DNER: variants seen among roughly 807,000 people sequenced by gnomAD.
The protein encoded by DNER is delta and Notch-like epidermal growth factor-related receptor.
In DNER, 33 loss-of-function variants were observed where a neutral mutation model predicts 78.2. The observed-to-expected ratio is 0.42, with a 90% CI of 0.32 to 0.56. The LOEUF is 0.56. Among genes scored for constraint, DNER ranks in the 20% least tolerant of loss-of-function variants. The pLI is 0.11. For synonymous variants in DNER, 417 were observed against 384.8 expected, an observed-to-expected ratio of 1.08 and a Z score of -0.98; for missense variants, 918 against 975.3, an observed-to-expected ratio of 0.94 and a Z score of 0.78.
At position 229,638,490 on chromosome 2, in the gene DNER, A is replaced by G. The variant is rs557223085; in HGVS notation, c.277-46602T>C. 1.1e-4 allele frequency among the ~76,000 whole-genome samples: 16 copies of G among 152,340 alleles called. No homozygotes were observed. In the South Asian group the frequency reaches 3.3e-3, roughly 32 times the overall value. ...TCTTTTCAACAAATGGTGCGGGACA[A>G]CTGAATACCCGTATGAAAAACATTC... On this transcript the variant is annotated intron_variant, in intron 1 of 12. Transcript: ENST00000341772.
chr2:229,601,122 A>T (rs1559179179), intron 1 of DNER, among the ~76,000 whole-genome samples: 1 of 152,192 alleles, frequency 6.6e-6, no homozygotes, highest in African/African-American at 2.4e-5. Context: ...GAACATTCTA[A>T]AGGCGTTTAA....
chr2:229,407,918 G>T (rs759548027), intron 9 of DNER, among the ~76,000 whole-genome samples: 14 of 152,132 alleles, frequency 9.2e-5, no homozygotes. Flanking sequence ...TTTTACAGAT[G>T]AGGAAACTGA....
intron 4 of DNER, among the ~76,000 whole-genome samples, chr2:229,572,104 T>C (rs2154214042): frequency 6.6e-6 from 1 of 152,264 alleles, no homozygotes; most frequent in East Asian, 1.9e-4. Context: ...CCTAGCCAAA[T>C]TGTCCTATTA....
chr2:229,477,350 T>C lies in DNER; in HGVS notation c.1148-97A>G, dbSNP rs550093086. ...ATGGATTCAACTGGTACCTGCCCAG[T>C]GAAGGCAGTGGCAGCCTTCAGCTAA... is the stretch of plus-strand genomic sequence containing the variant. On this transcript the variant is annotated intron_variant, in intron 6 of 12. Transcript: ENST00000341772. 18 of 751,472 alleles carry C rather than the reference T, an allele frequency of 2.4e-5. No homozygotes were observed. The African/African-American group carries it at 2.6e-4, about 11-fold the overall frequency. The allele number at this position is 751,472 out of a possible 1,614,324, so 46.6% of individuals were successfully genotyped here. A position where few individuals can be genotyped will look rare whatever the true frequency, so the allele number is the denominator to read the frequency against.
intron 8 of DNER, among the ~76,000 whole-genome samples, chr2:229,438,319 C>T (rs911035738): frequency 6.6e-6 from 1 of 152,176 alleles, no homozygotes; most frequent in Non-Finnish European, 1.5e-5. Context: ...ATCTCAGGAG[C>T]TATGCTGAGA....
At chr2:229,587,389 C>T (rs1285705328) in intron 3 of DNER, among the ~76,000 whole-genome samples, 1 of 152,170 alleles carries the variant, frequency 6.6e-6, no homozygotes, top group Non-Finnish European at 1.5e-5. Context: ...CCCTTCCAGG[C>T]TCTTCCCCTG....
intron 1 of DNER, among the ~76,000 whole-genome samples, chr2:229,594,432 C>T (rs943118448): frequency 6.6e-6 from 1 of 152,056 alleles, no homozygotes; most frequent in African/African-American, 2.4e-5. Context: ...ACTAAAAATA[C>T]AAAAATTAGT....
At chr2:229,449,449 G>C (rs1379668074) in intron 7 of DNER, among the ~76,000 whole-genome samples, 1 of 152,084 alleles carries the variant, frequency 6.6e-6, no homozygotes, top group East Asian at 1.9e-4. Flanking sequence ...GACACTAAAA[G>C]TCATTCAATA....
chr2:229,638,296 A>C (rs1351897608), intron 1 of DNER, among the ~76,000 whole-genome samples: 1 of 152,236 alleles, frequency 6.6e-6, no homozygotes, highest in African/African-American at 2.4e-5. Context: ...GAGGACTTAA[A>C]CTATCTAATT....
At chr2:229,400,257 A>C (rs1693238806) in intron 10 of DNER, among the ~76,000 whole-genome samples, 1 of 152,072 alleles carries the variant, frequency 6.6e-6, no homozygotes, top group South Asian at 2.1e-4. Context: ...AATATAGACA[A>C]AGATAACTAC....
intron 1 of DNER, among the ~76,000 whole-genome samples, chr2:229,710,778 G>C (rs6749279): frequency 0.48 from 73,477 of 151,782 alleles, 18,089 homozygotes; most frequent in African/African-American, 0.57. Flanking sequence ...ATGATGATTA[G>C]CTCGATCTAG....
rs758656570 is a variant in DNER, at chr2:229,678,500, T to A, written c.276+35648A>T. On this transcript the variant is annotated intron_variant, in intron 1 of 12. Transcript: ENST00000341772. ...ATGAAGTTATTAAAAAGGTGTCCTG[T>A]GACTGAGGGAAACTTGGAGAAGTCA... Among the ~76,000 whole-genome samples the A allele has an allele frequency of 1.1e-3, 164 of 152,202 alleles. 1 individual carries two copies. Among genetic ancestry groups the A allele is most frequent in the Non-Finnish European group, 1.7e-3 (117 of 68,026 alleles).
chr2:229,480,265 C>T (rs573806117), intron 6 of DNER, among the ~76,000 whole-genome samples: 3 of 152,266 alleles, frequency 2.0e-5, no homozygotes, highest in East Asian at 1.9e-4. Flanking sequence ...CTAGTCTCTT[C>T]GTATTTTCCT....
intron 1 of DNER, among the ~76,000 whole-genome samples, chr2:229,599,017 G>C (rs188397999): frequency 1.2e-4 from 18 of 152,250 alleles, no homozygotes; most frequent in Admixed American, 1.2e-3. Context: ...GTGGGCAAAG[G>C]CATCCAGGGG....
At chr2:229,360,236 T>A (rs1055907141) in intron 12 of DNER, among the ~76,000 whole-genome samples, 40 of 152,272 alleles carry the variant, frequency 2.6e-4, no homozygotes, top group African/African-American at 8.7e-4. Context: ...ACACCACCAC[T>A]AATAATAATT....
At chr2:229,571,451 T>A (rs576843946) in intron 4 of DNER, among the ~76,000 whole-genome samples, 1 of 152,200 alleles carries the variant, frequency 6.6e-6, no homozygotes, top group South Asian at 2.1e-4. Flanking sequence ...TCCTCCCATG[T>A]GCTACACATA....
chr2:229,587,773 C>T (rs1195798508), intron 3 of DNER, among the ~76,000 whole-genome samples: 2 of 152,118 alleles, frequency 1.3e-5, no homozygotes, highest in African/African-American at 4.8e-5. Context: ...CTTTGTGCTC[C>T]TGGGCACCTG....
intron 1 of DNER, among the ~76,000 whole-genome samples, chr2:229,703,121 T>C (rs1029828993): frequency 2.6e-5 from 4 of 152,038 alleles, no homozygotes; most frequent in African/African-American, 9.7e-5. Flanking sequence ...GGGGAGAACA[T>C]ATTTACAGGA....
chr2:229,634,114 G>A (rs1197635224), intron 1 of DNER, among the ~76,000 whole-genome samples: 1 of 152,222 alleles, frequency 6.6e-6, no homozygotes, highest in Non-Finnish European at 1.5e-5. Flanking sequence ...AAATGAGAAA[G>A]AAGGCAGCTT....
Sources: gnomAD v4.1 joint callset for allele counts (sites outside exome capture counted in the v4.1 genomes callset) on GRCh38, gnomAD v4.1.1 for gene constraint, MANE v1.5 for transcripts, NCBI Gene and HGNC (gene_info 2026-07-23, HGNC 2026-07-21) for gene names.